Variants in CACNA1C observed in about 807,000 individuals in gnomAD.
The protein encoded by CACNA1C is voltage-dependent L-type calcium channel subunit alpha-1C.
In CACNA1C, 30 loss-of-function variants were observed where a neutral mutation model predicts 229.0. The ratio of observed to expected loss-of-function variants is 0.13; its 90% CI spans 0.10 to 0.18. The LOEUF is 0.18. CACNA1C is among the 10% of genes least tolerant of loss of function. The probability of loss-of-function intolerance (pLI) is 1.00; values close to 1 mark genes in which losing one functional copy is unlikely to be tolerated. For synonymous variants in CACNA1C, 1,114 were observed against 1,132.5 expected, an observed-to-expected ratio of 0.98 and a Z score of 0.33; for missense variants, 1,658 against 2,845.0, an observed-to-expected ratio of 0.58 and a Z score of 9.49.
At chr12:2,497,431 G>T (rs540458718) in intron 7 of CACNA1C, among the ~76,000 whole-genome samples, 24 of 152,318 alleles carry the variant, frequency 1.6e-4, no homozygotes, top group Non-Finnish European at 3.4e-4. Flanking sequence ...TGGAAGGGGG[G>T]CAGCAGCTAG....
intron 3 of CACNA1C, among the ~76,000 whole-genome samples, chr12:2,303,161 G>A (rs1340696713): frequency 3.3e-5 from 5 of 152,218 alleles, no homozygotes; most frequent in African/African-American, 4.8e-5. Context: ...TGTGGCTTCC[G>A]GTCACAAAAG....
intron 1 of CACNA1C, among the ~76,000 whole-genome samples, chr12:2,069,377 G>A (rs1302424652): frequency 6.6e-6 from 1 of 152,152 alleles, no homozygotes; most frequent in African/African-American, 2.4e-5. Flanking sequence ...CTAACACTTG[G>A]GAGCCAAACC....
At chr12:2,219,471 C>T (rs2060869202) in intron 3 of CACNA1C, among the ~76,000 whole-genome samples, 1 of 152,160 alleles carries the variant, frequency 6.6e-6, no homozygotes. Flanking sequence ...ACCTGGCCAT[C>T]TAGAAACCAA....
chr12:2,167,774 T>A (rs1362900436), intron 3 of CACNA1C, among the ~76,000 whole-genome samples: 1 of 152,188 alleles, frequency 6.6e-6, no homozygotes, highest in African/African-American at 2.4e-5. Context: ...CAGCTGCCCT[T>A]CTGATCCTGC....
intron 1 of CACNA1C, among the ~76,000 whole-genome samples, chr12:2,083,277 C>CT (rs2066362116): frequency 6.6e-6 from 1 of 152,240 alleles, no homozygotes; most frequent in Admixed American, 6.5e-5. Context: ...TGGCTTGCTG[C>CT]TGATGGAAGC....
chr12:2,046,724 C>T lies in CACNA1C; in HGVS notation c.140-68500C>T, dbSNP rs571628165. 7.2e-5 allele frequency among the ~76,000 whole-genome samples: 11 copies of T among 152,234 alleles called. No individual in the cohort carries two copies. In the South Asian group the frequency reaches 2.1e-3, roughly 29 times the overall value. Reference sequence around the variant, plus strand: ...ATAAGCTTGAATTCTCCTCACACTCCGAGTACTCTGGCTTCCCCTTGGGAC... The same window carrying T: ...ATAAGCTTGAATTCTCCTCACACTCTGAGTACTCTGGCTTCCCCTTGGGAC... On this transcript the variant is annotated intron_variant, in intron 1 of 46. Coordinates refer to the CACNA1C transcript ENST00000682462.
intron 3 of CACNA1C, among the ~76,000 whole-genome samples, chr12:2,282,619 T>A (rs1014997146): frequency 6.6e-6 from 1 of 152,192 alleles, no homozygotes; most frequent in African/African-American, 2.4e-5. Context: ...GCCTGCTGAA[T>A]GAGTGGTCAG....
At chr12:2,457,009 C>T (rs2099430459) in intron 4 of CACNA1C, among the ~76,000 whole-genome samples, 1 of 152,246 alleles carries the variant, frequency 6.6e-6, no homozygotes, top group African/African-American at 2.4e-5. Context: ...ACGTGTGGTT[C>T]TACCCCACTT....
At chr12:2,299,289 TG>T in intron 3 of CACNA1C, among the ~76,000 whole-genome samples, 1 of 152,334 alleles carries the variant, frequency 6.6e-6, no homozygotes, top group South Asian at 2.1e-4. Context: ...TTTGCTTTTT[TG>T]TTTTTTAAGT....
chr12:2,381,113 G>C (rs543444435), intron 3 of CACNA1C, among the ~76,000 whole-genome samples: 1 of 152,232 alleles, frequency 6.6e-6, no homozygotes, highest in African/African-American at 2.4e-5. Context: ...CTGGCTGCCT[G>C]TGGTTGTGGG....
intron 3 of CACNA1C, among the ~76,000 whole-genome samples, chr12:2,447,815 GCACA>G (rs1393256042): frequency 1.3e-5 from 2 of 152,238 alleles, no homozygotes; most frequent in Non-Finnish European, 2.9e-5. Context: ...GCTCCCACAT[GCACA>G]CACCAGAGCT....
At chr12:2,114,377 G>C (rs2082995953) in intron 1 of CACNA1C, among the ~76,000 whole-genome samples, 1 of 152,100 alleles carries the variant, frequency 6.6e-6, no homozygotes, top group African/African-American at 2.4e-5. Context: ...GATGCAACGT[G>C]GCTTTTTTTT....
At chr12:2,256,264 T>A (rs2077739740) in intron 3 of CACNA1C, among the ~76,000 whole-genome samples, 1 of 152,210 alleles carries the variant, frequency 6.6e-6, no homozygotes, top group South Asian at 2.1e-4. Context: ...ATATTAAATT[T>A]TGAGAACTGG....
At chr12:2,650,455 C>A (rs895143310) in intron 31 of CACNA1C, among the ~76,000 whole-genome samples, 3 of 152,124 alleles carry the variant, frequency 2.0e-5, no homozygotes, top group Non-Finnish European at 2.9e-5. Context: ...TCCCACCTCG[C>A]GGGAGGTGTG....
chr12:1,979,128 T>C (rs1394294794), intron 1 of CACNA1C, among the ~76,000 whole-genome samples: 1 of 152,160 alleles, frequency 6.6e-6, no homozygotes, highest in African/African-American at 2.4e-5. Flanking sequence ...TTCTCCTGCC[T>C]CAGGCTCCCA....
chr12:2,353,891 T>C (rs2097278570), intron 3 of CACNA1C, among the ~76,000 whole-genome samples: 1 of 152,170 alleles, frequency 6.6e-6, no homozygotes, highest in Non-Finnish European at 1.5e-5. Flanking sequence ...TGGTCCCGAA[T>C]GCTGGGCTGT....
intron 5 of CACNA1C, among the ~76,000 whole-genome samples, chr12:2,483,331 G>A (rs1241335372): frequency 6.6e-6 from 1 of 152,232 alleles, no homozygotes; most frequent in Non-Finnish European, 1.5e-5. Flanking sequence ...ACATGTTCCA[G>A]TGTGTACTTT....
chr12:2,008,129 A>G (rs11062062), intron 1 of CACNA1C, among the ~76,000 whole-genome samples: 1 of 151,656 alleles, frequency 6.6e-6, no homozygotes, highest in Non-Finnish European at 1.5e-5. Context: ...TTATTTATTT[A>G]TTTTTTGAGA....
At chr12:2,555,514 G>A (rs1439829396) in intron 10 of CACNA1C, among the ~76,000 whole-genome samples, 2 of 152,212 alleles carry the variant, frequency 1.3e-5, no homozygotes, top group African/African-American at 4.8e-5. Context: ...CCCCGCTGGA[G>A]AAGAGAGCAC....
Sources: gnomAD v4.1 joint callset for allele counts (sites outside exome capture counted in the v4.1 genomes callset) on GRCh38, gnomAD v4.1.1 for gene constraint, MANE v1.5 for transcripts, NCBI Gene and HGNC (gene_info 2026-07-23, HGNC 2026-07-21) for gene names.